The following MECOM variants were observed in gnomAD, a reference collection of about 807,000 sequenced individuals.
MECOM encodes the protein histone-lysine N-methyltransferase MECOM.
A neutral mutation model predicts 116.3 loss-of-function variants in MECOM; 13 were observed. That is an observed-to-expected ratio of 0.11 (90% CI 0.07 to 0.18). The LOEUF (loss-of-function observed/expected upper bound fraction) is 0.18, where lower values mean the gene tolerates loss of function less well. MECOM is among the 10% of genes least tolerant of loss of function. MECOM has a pLI of 1.00. For synonymous variants in MECOM, 528 were observed against 535.2 expected (o/e 0.99, Z 0.19); for missense variants, 1,299 against 1,509.0 (o/e 0.86, Z 2.31).
chr3:169,127,627 T>A (rs1733306000), intron 5 of MECOM, among the ~76,000 whole-genome samples: 1 of 152,172 alleles, frequency 6.6e-6, no homozygotes, highest in Non-Finnish European at 1.5e-5. Flanking sequence ...TAATATAACA[T>A]TATTTTTCAT....
chr3:169,366,352 G>C (rs1429254370), intron 2 of MECOM, among the ~76,000 whole-genome samples: 1 of 151,744 alleles, frequency 6.6e-6, no homozygotes, highest in Non-Finnish European at 1.5e-5. Flanking sequence ...CCAGGTCCAG[G>C]ATTTCCTACA....
intron 1 of MECOM, among the ~76,000 whole-genome samples, chr3:169,566,433 C>A (rs1454397779): frequency 1.3e-5 from 2 of 152,178 alleles, no homozygotes; most frequent in African/African-American, 4.8e-5. Flanking sequence ...CTCTGCTCTG[C>A]AGATCAGGCT....
chr3:169,605,320 T>C (rs190709198), intron 1 of MECOM, among the ~76,000 whole-genome samples: 2 of 152,208 alleles, frequency 1.3e-5, no homozygotes, highest in Non-Finnish European at 2.9e-5. Flanking sequence ...CCTTAAGCTT[T>C]ATTCAAACTA....
At chr3:169,113,912 G>T (rs925954574) in intron 8 of MECOM, among the ~76,000 whole-genome samples, 1 of 151,942 alleles carries the variant, frequency 6.6e-6, no homozygotes, top group African/African-American at 2.4e-5. Context: ...CTGGATTCTA[G>T]GTCTTTCATG....
At chr3:169,089,693 C>T (rs1719027150) in intron 15 of MECOM, among the ~76,000 whole-genome samples, 2 of 152,160 alleles carry the variant, frequency 1.3e-5, no homozygotes, top group East Asian at 1.9e-4. Flanking sequence ...GTCAAAATCT[C>T]TATTTTTCTT....
chr3:169,334,982 T>C (rs1188528926), intron 2 of MECOM, among the ~76,000 whole-genome samples: 1 of 152,232 alleles, frequency 6.6e-6, no homozygotes, highest in Admixed American at 6.5e-5. Context: ...GGAAAAATAG[T>C]GTTACAATTC....
At chr3:169,374,191 C>A (rs1057349181) in intron 2 of MECOM, among the ~76,000 whole-genome samples, 12 of 151,634 alleles carry the variant, frequency 7.9e-5, no homozygotes, top group African/African-American at 2.7e-4. Flanking sequence ...CTTATGCACA[C>A]CAAAGAAAGG....
chr3:169,449,225 A>G (rs910895600), intron 1 of MECOM, among the ~76,000 whole-genome samples: 3 of 152,196 alleles, frequency 2.0e-5, no homozygotes, highest in Admixed American at 2.0e-4. Flanking sequence ...AGCAATGCAT[A>G]TGATAAATTT....
At chr3:169,544,434 G>A (rs1276898756) in intron 1 of MECOM, among the ~76,000 whole-genome samples, 4 of 152,120 alleles carry the variant, frequency 2.6e-5, no homozygotes, top group African/African-American at 4.8e-5. Flanking sequence ...TTGAGGAATC[G>A]CCACACTGCC....
intron 2 of MECOM, among the ~76,000 whole-genome samples, chr3:169,179,925 A>G (rs1245680571): frequency 1.3e-5 from 2 of 152,194 alleles, no homozygotes; most frequent in Non-Finnish European, 2.9e-5. Context: ...TCAGTCCTAG[A>G]CCTGTAGCTC....
At chr3:169,319,373 A>G (rs1166183883) in intron 2 of MECOM, among the ~76,000 whole-genome samples, 2 of 151,740 alleles carry the variant, frequency 1.3e-5, no homozygotes, top group Non-Finnish European at 2.9e-5. Context: ...GAGTTGAACA[A>G]TGAGAACACA....
chr3:169,141,568 A>G (rs1221772814), intron 3 of MECOM, among the ~76,000 whole-genome samples: 1 of 151,994 alleles, frequency 6.6e-6, no homozygotes, highest in East Asian at 1.9e-4. Context: ...ACCTAGTCCA[A>G]CATTCACATT....
At position 169,417,963 on chromosome 3, in the gene MECOM, T is replaced by TG. The variant is rs1374145141; in HGVS notation, c.38-36440dup. On this transcript the variant is annotated intron_variant, in intron 1 of 16. Transcript: ENST00000651503. ...CACACTCTGGGGACTGTTGTGGGGT[T>TG]GGGGGAGCGGGGAGGGATAGCATTA... is the stretch of plus-strand genomic sequence containing the variant. Among the ~76,000 whole-genome samples the TG allele has an allele frequency of 1.1e-4, 14 of 131,288 alleles. 1 individual carries two copies. The highest frequency in any genetic ancestry group is 4.3e-4 in the Admixed American group (5 of 11,520). 86.1% of individuals were successfully genotyped at this position (131,288 alleles called of 152,430 possible). A position where few individuals can be genotyped will look rare whatever the true frequency, so the allele number is the denominator to read the frequency against.
chr3:169,285,416 C>T (rs9856179), intron 2 of MECOM, among the ~76,000 whole-genome samples: 22,826 of 152,178 alleles, frequency 0.15, 3,655 homozygotes, highest in African/African-American at 0.4. Context: ...GAATACTCTG[C>T]GCTCCCAGGA....
chr3:169,661,029 T>C (rs993505792), intron 1 of MECOM, among the ~76,000 whole-genome samples: 2 of 152,160 alleles, frequency 1.3e-5, no homozygotes, highest in African/African-American at 2.4e-5. Flanking sequence ...ACCAGTTGAA[T>C]GACAAGTATC....
chr3:169,506,576 A>C (rs1307339334), intron 1 of MECOM, among the ~76,000 whole-genome samples: 2 of 152,014 alleles, frequency 1.3e-5, no homozygotes, highest in Non-Finnish European at 2.9e-5. Flanking sequence ...AAAGAAAATG[A>C]TTTACCTATC....
chr3:169,110,689 C>T (rs1482884887), intron 9 of MECOM, among the ~76,000 whole-genome samples: 2 of 152,166 alleles, frequency 1.3e-5, no homozygotes, highest in African/African-American at 4.8e-5. Flanking sequence ...CCTCCAGTAT[C>T]CTGCTCCAGA....
chr3:169,326,229 AAC>A lies in MECOM; in HGVS notation c.375+54956_375+54957del, dbSNP rs1362540136. Among the ~76,000 whole-genome samples, 6 of 152,348 alleles carry A rather than the reference AAC, an allele frequency of 3.9e-5. No individual in the cohort carries two copies. The East Asian group carries it at 1.2e-3, about 29-fold the overall frequency. On this transcript the variant is annotated intron_variant, in intron 2 of 16. Coordinates refer to ENST00000651503, the MANE Select transcript of MECOM (RefSeq NM_004991.4). Reference sequence around the variant, plus strand: ...GAGGAGAGCCTTCTAGGCAGAAAACAACACAGGCAAAACATTAGAAGAGAAAA... The same window carrying A: ...GAGGAGAGCCTTCTAGGCAGAAAACAACAGGCAAAACATTAGAAGAGAAAA...
intron 2 of MECOM, among the ~76,000 whole-genome samples, chr3:169,180,794 G>GATATATAGATATATATATAT (rs10637895): frequency 9.2e-6 from 1 of 108,718 alleles, no homozygotes; most frequent in African/African-American, 3.2e-5. Flanking sequence ...GTGTGGAGAT[G>GATATATAGATATATATATAT]ATATATATAT....
Sources: gnomAD v4.1 joint callset for allele counts (sites outside exome capture counted in the v4.1 genomes callset) on GRCh38, gnomAD v4.1.1 for gene constraint, MANE v1.5 for transcripts, NCBI Gene and HGNC (gene_info 2026-07-23, HGNC 2026-07-21) for gene names.